OSCP1: variants seen among roughly 807,000 people sequenced by gnomAD.
OSCP1 encodes organic solute carrier partner 1, also known as protein OSCP1.
Under a neutral mutation model 45.1 loss-of-function variants are expected in OSCP1, and 35 were observed. The ratio of observed to expected loss-of-function variants is 0.78; its 90% CI spans 0.59 to 1.03. The LOEUF (loss-of-function observed/expected upper bound fraction) is 1.03. Among genes scored for constraint, OSCP1 ranks in the 50% least tolerant of loss-of-function variants. OSCP1 has a pLI of 0.00. For synonymous variants in OSCP1, 179 were observed against 180.1 expected (o/e 0.99, Z 0.05); for missense variants, 400 against 470.7 (o/e 0.85, Z 1.39).
intron 4 of OSCP1, among the ~76,000 whole-genome samples, chr1:36,431,377 A>G (rs780591747): frequency 6.6e-6 from 1 of 151,950 alleles, no homozygotes; most frequent in Non-Finnish European, 1.5e-5. Context: ...AGGGAAGGGA[A>G]GGGAAGCCCA....
chr1:36,431,152 G>A (rs774090068), intron 4 of OSCP1, among the ~76,000 whole-genome samples: 3 of 152,182 alleles, frequency 2.0e-5, no homozygotes, highest in Admixed American at 6.5e-5. Context: ...GCATCCTGGT[G>A]GGAAGTTTCA....
intron 8 of OSCP1, 62 bp from the exon 9 acceptor site, chr1:36,419,116 A>T: frequency 6.9e-7 from 1 of 1,448,296 alleles, no homozygotes. Context: ...CAGCATGGCA[A>T]ACTGGCTCTT....
chr1:36,433,095 T>C lies in OSCP1; in HGVS notation c.268-506A>G, dbSNP rs948490222. 4.6e-5 allele frequency among the ~76,000 whole-genome samples: 7 copies of C among 152,352 alleles called. No homozygotes were observed. In the South Asian group the frequency reaches 8.3e-4, roughly 18 times the overall value. On this transcript the variant is annotated intron_variant, in intron 2 of 9. Transcript: ENST00000235532. ...GCAATATGTGTGCAAGTGGCAAGCATAGAGTTCTACAACTTTATAAGAATC... is the reference window on the plus strand; with the variant it reads ...GCAATATGTGTGCAAGTGGCAAGCACAGAGTTCTACAACTTTATAAGAATC...
At chr1:36,422,671 G>T (rs1647724912) in intron 6 of OSCP1, 97 bp downstream of exon 6, 1 of 1,252,426 alleles carries the variant, frequency 8.0e-7, no homozygotes, top group African/African-American at 1.5e-5. Context: ...TGTCGGCAGG[G>T]ATTTTCATAG....
chr1:36,424,049 G>T (rs1222379529), intron 4 of OSCP1, among the ~76,000 whole-genome samples: 1 of 151,906 alleles, frequency 6.6e-6, no homozygotes, highest in Non-Finnish European at 1.5e-5. Context: ...CAGCTCACGC[G>T]ATTCTCCCGT....
At chr1:36,442,252 C>A (rs1406078829) in intron 1 of OSCP1, among the ~76,000 whole-genome samples, 1 of 148,330 alleles carries the variant, frequency 6.7e-6, no homozygotes, top group African/African-American at 2.5e-5. Context: ...GAGGCTAAGG[C>A]AGGGGAGGGA....
intron 4 of OSCP1, among the ~76,000 whole-genome samples, chr1:36,428,943 A>G (rs1020892461): frequency 6.6e-5 from 10 of 152,192 alleles, no homozygotes; most frequent in African/African-American, 2.4e-4. Context: ...TCTCAAAAAC[A>G]AAACATTTTA....
At chr1:36,426,180 T>C (rs928877160) in intron 4 of OSCP1, among the ~76,000 whole-genome samples, 1 of 152,228 alleles carries the variant, frequency 6.6e-6, no homozygotes, top group African/African-American at 2.4e-5. Flanking sequence ...AATATTTATA[T>C]GTGCTAGAAA....
chr1:36,421,910 T>C, intron 7 of OSCP1: 1 of 566,482 alleles, frequency 1.8e-6, no homozygotes. Flanking sequence ...TGGTGTGTGG[T>C]TCCTCTTAAT....
intron 1 of OSCP1, 109 bp from the exon 2 acceptor site, chr1:36,439,019 G>A: frequency 8.2e-7 from 1 of 1,225,770 alleles, no homozygotes; most frequent in Non-Finnish European, 1.1e-6. Flanking sequence ...ACAGAATTGG[G>A]ATGCTGTATG....
chr1:36,442,350 G>C (rs1379575452), intron 1 of OSCP1, among the ~76,000 whole-genome samples: 1 of 152,082 alleles, frequency 6.6e-6, no homozygotes, highest in Non-Finnish European at 1.5e-5. Context: ...TATGAAGCCA[G>C]TTTCTGTTCA....
intron 4 of OSCP1, chr1:36,428,560 T>C: frequency 1.4e-6 from 2 of 1,454,836 alleles, no homozygotes; most frequent in Admixed American, 4.7e-5. Flanking sequence ...TTTTCATTTT[T>C]CAGATGAAGA....
At chr1:36,442,875 GT>G (rs1477569314) in intron 1 of OSCP1, among the ~76,000 whole-genome samples, 3 of 152,156 alleles carry the variant, frequency 2.0e-5, no homozygotes, top group Non-Finnish European at 4.4e-5. Context: ...GAATCAGAGA[GT>G]TTAAAGTCCA....
At chr1:36,426,975 G>A (rs971673275) in intron 4 of OSCP1, among the ~76,000 whole-genome samples, 1 of 150,750 alleles carries the variant, frequency 6.6e-6, no homozygotes, top group African/African-American at 2.4e-5. Flanking sequence ...CAAAGTGCTG[G>A]GATTACAGGT....
chr1:36,428,480 A>G (rs771902414), intron 4 of OSCP1: 2 of 1,611,058 alleles, frequency 1.2e-6, no homozygotes, highest in Admixed American at 1.7e-5. Flanking sequence ...CTCTCTCTGT[A>G]TATGCACAAA....
At position 36,420,462 on chromosome 1, in the gene OSCP1, G is replaced by C. The variant is rs1647550243; in HGVS notation, c.959+14C>G. 6.2e-7 allele frequency: 1 copy of C among 1,612,086 alleles called. No individual in the cohort carries two copies. Among genetic ancestry groups the C allele is most frequent in the South Asian group, 1.1e-5 (1 of 90,666 alleles). On this transcript the variant is annotated intron_variant, in intron 8 of 9. Coordinates refer to ENST00000235532, the MANE Select transcript of OSCP1 (RefSeq NM_145047.5). ...ATTTTTATATGTCTTTAACGAAACA[G>C]GTTTAAAACATACTCCTCTTCTTCA...
At chr1:36,419,696 A>C (rs900646677) in intron 8 of OSCP1, among the ~76,000 whole-genome samples, 5 of 152,194 alleles carry the variant, frequency 3.3e-5, no homozygotes, top group Admixed American at 3.3e-4. Flanking sequence ...AGGGAAATCA[A>C]GCTCCAACCT....
chr1:36,446,309 C>T (rs1461214560), intron 1 of OSCP1, among the ~76,000 whole-genome samples: 1 of 152,224 alleles, frequency 6.6e-6, no homozygotes, highest in Non-Finnish European at 1.5e-5. Context: ...AGGCGTGAGC[C>T]ACTGCGCCCG....
At chr1:36,423,497 C>A (rs1176229359) in intron 4 of OSCP1, 31 bp from the exon 5 acceptor site, 2 of 1,534,344 alleles carry the variant, frequency 1.3e-6, no homozygotes, top group Non-Finnish European at 1.8e-6. Context: ...TGTCATTTTT[C>A]TTGGTATATT....
Sources: gnomAD v4.1 joint callset for allele counts (sites outside exome capture counted in the v4.1 genomes callset) on GRCh38, gnomAD v4.1.1 for gene constraint, MANE v1.5 for transcripts, NCBI Gene and HGNC (gene_info 2026-07-23, HGNC 2026-07-21) for gene names.